MGAT4C: variants seen among roughly 807,000 people sequenced by gnomAD.
MGAT4C encodes the protein MGAT4 family member C.
A neutral mutation model predicts 40.1 loss-of-function variants in MGAT4C; 19 were observed. That is an observed-to-expected ratio of 0.47 (90% CI 0.33 to 0.70). The LOEUF (loss-of-function observed/expected upper bound fraction) is 0.70, where lower values mean the gene tolerates loss of function less well. MGAT4C is among the 30% of genes least tolerant of loss of function. The pLI is 0.02. For synonymous variants in MGAT4C, 181 were observed against 187.1 expected, an observed-to-expected ratio of 0.97 and a Z score of 0.27; for missense variants, 491 against 563.2, an observed-to-expected ratio of 0.87 and a Z score of 1.30.
intron 2 of MGAT4C, among the ~76,000 whole-genome samples, chr12:86,528,663 AT>A (rs1958925957): frequency 6.6e-6 from 1 of 152,080 alleles, no homozygotes; most frequent in African/African-American, 2.4e-5. Context: ...TAATGTGAAA[AT>A]TTTGTGTTTC....
At chr12:86,093,687 C>T (rs1873323974) in intron 1 of MGAT4C, among the ~76,000 whole-genome samples, 1 of 151,980 alleles carries the variant, frequency 6.6e-6, no homozygotes, top group Non-Finnish European at 1.5e-5. Flanking sequence ...ATGATCGCAC[C>T]ACTGCACTCT....
chr12:86,023,769 G>T (rs1442918796), intron 2 of MGAT4C, among the ~76,000 whole-genome samples: 2 of 151,392 alleles, frequency 1.3e-5, no homozygotes, highest in Non-Finnish European at 3.0e-5. Flanking sequence ...TATAATATTT[G>T]CATAGTTTGG....
At chr12:86,278,772 G>A (rs961151936) in intron 4 of MGAT4C, among the ~76,000 whole-genome samples, 3 of 151,906 alleles carry the variant, frequency 2.0e-5, no homozygotes, top group African/African-American at 7.3e-5. Flanking sequence ...TCCTTGGCAC[G>A]CTTTCTGTTT....
chr12:86,081,239 A>G (rs1229851245), intron 1 of MGAT4C, among the ~76,000 whole-genome samples: 2 of 152,198 alleles, frequency 1.3e-5, no homozygotes, highest in Non-Finnish European at 2.9e-5. Context: ...GCATCCTGGC[A>G]CACTATAGAT....
intron 1 of MGAT4C, among the ~76,000 whole-genome samples, chr12:86,222,191 T>G (rs2135989667): frequency 6.6e-6 from 1 of 152,268 alleles, no homozygotes; most frequent in South Asian, 2.1e-4. Flanking sequence ...CAAATCAGAA[T>G]CAGCTCTAAA....
intron 2 of MGAT4C, among the ~76,000 whole-genome samples, chr12:86,716,188 A>G (rs1252961016): frequency 6.6e-6 from 1 of 152,254 alleles, no homozygotes; most frequent in Non-Finnish European, 1.5e-5. Context: ...CATCCCATAC[A>G]GGAGGTACAT....
At chr12:86,007,918 C>T (rs886931804) in intron 2 of MGAT4C, among the ~76,000 whole-genome samples, 3 of 138,724 alleles carry the variant, frequency 2.2e-5, no homozygotes, top group African/African-American at 7.3e-5. Context: ...GGATGAAGTC[C>T]CTTTTCTATC....
At chr12:86,365,129 C>T (rs1922748) in intron 3 of MGAT4C, among the ~76,000 whole-genome samples, 110,375 of 151,932 alleles carry the variant, frequency 0.73, 40,337 homozygotes, top group East Asian at 0.91. Context: ...TTTCAGAGGT[C>T]CACCCTCAGG....
At chr12:86,296,501 G>C (rs995960752) in intron 4 of MGAT4C, among the ~76,000 whole-genome samples, 3 of 152,202 alleles carry the variant, frequency 2.0e-5, no homozygotes, top group East Asian at 1.9e-4. Flanking sequence ...TCATGGAGGT[G>C]GGGGACGGCT....
At chr12:86,271,373 T>C (rs372633644) in intron 4 of MGAT4C, among the ~76,000 whole-genome samples, 52 of 152,248 alleles carry the variant, frequency 3.4e-4, no homozygotes, top group African/African-American at 1.1e-3. Flanking sequence ...CATGAATAGA[T>C]ATTTTTCAGA....
intron 2 of MGAT4C, among the ~76,000 whole-genome samples, chr12:86,497,249 T>C (rs539268571): frequency 5.5e-4 from 84 of 152,030 alleles, no homozygotes; most frequent in African/African-American, 1.9e-3. Flanking sequence ...ACTAAGAAAA[T>C]AATCCAAAGA....
intron 2 of MGAT4C, among the ~76,000 whole-genome samples, chr12:86,699,689 C>T (rs1205084377): frequency 6.6e-6 from 1 of 151,946 alleles, no homozygotes; most frequent in Non-Finnish European, 1.5e-5. Context: ...TGGATTAACT[C>T]ATATTTTATA....
intron 4 of MGAT4C, among the ~76,000 whole-genome samples, chr12:86,280,449 A>G (rs2136117373): frequency 6.6e-6 from 1 of 152,116 alleles, no homozygotes; most frequent in Non-Finnish European, 1.5e-5. Context: ...AAAATATAAA[A>G]CCATATAAAG....
intron 1 of MGAT4C, among the ~76,000 whole-genome samples, chr12:86,237,535 C>A (rs934795857): frequency 6.6e-6 from 1 of 151,742 alleles, no homozygotes; most frequent in Non-Finnish European, 1.5e-5. Flanking sequence ...CTATTAAAAT[C>A]TTTTATTTAA....
intron 1 of MGAT4C, among the ~76,000 whole-genome samples, chr12:86,240,577 A>G (rs1225989730): frequency 6.6e-6 from 1 of 152,152 alleles, no homozygotes; most frequent in Non-Finnish European, 1.5e-5. Context: ...ACCAAAATTC[A>G]GATTCTGCTC....
intron 1 of MGAT4C, among the ~76,000 whole-genome samples, chr12:86,767,391 G>C (rs1023596162): frequency 6.6e-6 from 1 of 152,028 alleles, no homozygotes; most frequent in African/African-American, 2.4e-5. Context: ...CAACCAAAAA[G>C]AGTCCAGGAC....
At chr12:86,481,898 A>G (rs1374485665) in intron 2 of MGAT4C, among the ~76,000 whole-genome samples, 1 of 151,992 alleles carries the variant, frequency 6.6e-6, no homozygotes, top group African/African-American at 2.4e-5. Context: ...AATTATAGGC[A>G]TGAGCCACCA....
Position 86,652,992 on chromosome 12 carries a change from T to C in MGAT4C, c.-229+74217A>G, listed in dbSNP as rs145668195. On this transcript the variant is annotated intron_variant, in intron 2 of 7. Transcript: ENST00000548651. ...TACTCACAACAGAATTATTCTTTTC[T>C]AGAGAAATTAAAGCTATAGGGGCTT... Among the ~76,000 whole-genome samples, 1,100 of 152,048 alleles carry C rather than the reference T, an allele frequency of 7.2e-3. 14 individuals carry two copies. Among genetic ancestry groups the C allele is most frequent in the Non-Finnish European group, 0.01 (706 of 67,888 alleles).
chr12:86,001,125 T>C (rs1887248279), intron 2 of MGAT4C, among the ~76,000 whole-genome samples: 1 of 152,138 alleles, frequency 6.6e-6, no homozygotes, highest in South Asian at 2.1e-4. Context: ...CTGATCAAAT[T>C]TCTCACCCAC....
Sources: gnomAD v4.1 joint callset for allele counts (sites outside exome capture counted in the v4.1 genomes callset) on GRCh38, gnomAD v4.1.1 for gene constraint, MANE v1.5 for transcripts, NCBI Gene and HGNC (gene_info 2026-07-23, HGNC 2026-07-21) for gene names.